ATP8B1: variants seen among roughly 807,000 people sequenced by gnomAD.
ATP8B1 encodes ATPase phospholipid transporting 8B1.
In ATP8B1, 80 loss-of-function variants were observed where a neutral mutation model predicts 149.9. The observed-to-expected ratio is 0.53, with a 90% CI of 0.45 to 0.64. The LOEUF is 0.64. Among genes scored for constraint, ATP8B1 ranks in the 30% least tolerant of loss-of-function variants. ATP8B1 has a pLI of 0.00. For missense variants in ATP8B1, 1,247 were observed against 1,552.6 expected (o/e 0.80, Z 3.31); for synonymous variants, 536 against 562.8 (o/e 0.95, Z 0.67).
intron 12 of ATP8B1, among the ~76,000 whole-genome samples, chr18:57,689,500 C>T (rs1912422556): frequency 6.6e-6 from 1 of 152,166 alleles, no homozygotes; most frequent in Admixed American, 6.5e-5. Context: ...CCAAGGAAGT[C>T]CTTAACAAGT....
At position 57,661,661 on chromosome 18, in the gene ATP8B1, A is replaced by ATGTG. The variant is rs375544953; in HGVS notation, c.2419-203_2419-200dup. On this transcript the variant is annotated intron_variant, in intron 21 of 27. Coordinates refer to ENST00000648908, the MANE Select transcript of ATP8B1 (RefSeq NM_001374385.1). Reference sequence around the variant, plus strand: ...TATATACACACGCACACATATATGTATGTGTGTATGTATATACACACACAC... The same window carrying ATGTG: ...TATATACACACGCACACATATATGTATGTGTGTGTGTATGTATATACACACACAC... Among the ~76,000 whole-genome samples the ATGTG allele has an allele frequency of 2.5e-3, 254 of 102,470 alleles. 1 individual carries two copies. The highest frequency in any genetic ancestry group is 7.7e-3 in the African/African-American group (229 of 29,928). The allele number at this position is 102,470 out of a possible 152,430, so 67.2% of individuals were successfully genotyped here.
At chr18:57,801,727 T>C (rs2080576974) in intron 1 of ATP8B1, among the ~76,000 whole-genome samples, 1 of 152,182 alleles carries the variant, frequency 6.6e-6, no homozygotes, top group Non-Finnish European at 1.5e-5. Flanking sequence ...AGTTTTTTCT[T>C]TTTTTAGTTT....
At chr18:57,727,719 C>T (rs990655626) in intron 2 of ATP8B1, among the ~76,000 whole-genome samples, 1 of 152,018 alleles carries the variant, frequency 6.6e-6, no homozygotes, top group Non-Finnish European at 1.5e-5. Context: ...AACCCAGGAG[C>T]GGGGTTGCAG....
rs1440744675 is a variant in ATP8B1, at chr18:57,655,315, A to G, written c.2810T>C (p.Leu937Pro). 2 of 1,614,064 alleles carry G rather than the reference A, an allele frequency of 1.2e-6. No homozygotes were observed. Among genetic ancestry groups the G allele is most frequent in the African/African-American group, 2.7e-5 (2 of 74,946 alleles). ...TATGTAAGACCATCGGCCATGCACC[A>G]GCAGTAGCCTCTGCAGATATCGGAA... Reference protein sequence around the residue: ...AQFRYLQRLLLVHGRWSYIRM... With the variant: ...AQFRYLQRLLPVHGRWSYIRM... Residue 937 changes from leucine (L) to proline (P), a missense_variant, in exon 23 of 28, where the codon CTG becomes CCG. By Grantham distance (98) the Leu-to-Pro change is moderately conservative. This residue lies in a region of ATP8B1 where 230 missense variants were observed against 356.6 expected (regional missense o/e 0.65). Coordinates refer to ENST00000648908, the MANE Select transcript of ATP8B1 (RefSeq NM_001374385.1).
chr18:57,713,157 C>T (rs1034096758), intron 2 of ATP8B1, among the ~76,000 whole-genome samples: 1 of 92,044 alleles, frequency 1.1e-5, no homozygotes, highest in African/African-American at 4.8e-5. Flanking sequence ...CTTGATCTTT[C>T]TCTTTCTTTC....
In ATP8B1 at chr18:57,792,971, C is replaced by T. The variant is rs945611603; in HGVS notation, c.-26+10027G>A. 2.0e-5 allele frequency among the ~76,000 whole-genome samples: 3 copies of T among 152,256 alleles called. No homozygotes were observed. The South Asian group carries it at 6.2e-4, about 32-fold the overall frequency. ...TCAATGAAGTCAAGTCCTCTGCTTC[C>T]TGAAAACCGCCTCTTTTTTCTAACA... On this transcript the variant is annotated intron_variant, in intron 1 of 27. Transcript: ENST00000648908.
chr18:57,801,778 G>A (rs2123482967), intron 1 of ATP8B1, among the ~76,000 whole-genome samples: 1 of 152,268 alleles, frequency 6.6e-6, no homozygotes, highest in Admixed American at 6.5e-5. Context: ...ATGCAACCAG[G>A]AAGATGGGAG....
chr18:57,654,568 C>G (rs528666668), intron 23 of ATP8B1, among the ~76,000 whole-genome samples: 1 of 152,292 alleles, frequency 6.6e-6, no homozygotes, highest in Admixed American at 6.5e-5. Flanking sequence ...ACCCGCCCAC[C>G]TCGGCCTCCC....
At chr18:57,660,102 T>C (rs1340445139) in intron 22 of ATP8B1, among the ~76,000 whole-genome samples, 1 of 152,172 alleles carries the variant, frequency 6.6e-6, no homozygotes, top group Non-Finnish European at 1.5e-5. Context: ...GTATTTTTAA[T>C]ACAAGATACT....
chr18:57,680,300 A>AAAAAAAAAAAAAAAAAAAAAAAAAC (rs2122789581), intron 15 of ATP8B1, among the ~76,000 whole-genome samples: 1 of 139,396 alleles, frequency 7.2e-6, no homozygotes, highest in South Asian at 2.4e-4. Flanking sequence ...AAAAAAAAAA[A>AAAAAAAAAAAAAAAAAAAAAAAAAC]AAGACTGGGT....
chr18:57,652,682 C>T lies in ATP8B1; in HGVS notation c.3063G>A (p.Val1021=), dbSNP rs533537304. ...AGTTGAATAGTAAGTCTCTTTGTCC[C>T]ACTATGTATAACCCAGGGAATCGGA... ...LSLRFPGLYI[V]GQRDLLFNYK... is the part of the protein sequence containing the mutation. The change falls in exon 25 of 28, where the codon GTG becomes GTA. Residue 1021 remains valine, a synonymous_variant. Transcript: ENST00000648908. 9 of 1,614,094 alleles carry T rather than the reference C, an allele frequency of 5.6e-6. No homozygotes were observed. The African/African-American group carries it at 8.0e-5, about 14-fold the overall frequency.
chr18:57,790,789 C>G (rs908072420), intron 1 of ATP8B1, among the ~76,000 whole-genome samples: 3 of 152,068 alleles, frequency 2.0e-5, no homozygotes, highest in Admixed American at 6.6e-5. Flanking sequence ...GGTGCGATCT[C>G]CACTCACTGC....
intron 1 of ATP8B1, among the ~76,000 whole-genome samples, chr18:57,745,296 G>C (rs150952464): frequency 0.01 from 1,520 of 151,558 alleles, 27 homozygotes; most frequent in African/African-American, 0.034. Context: ...TTTTGAGACA[G>C]TGTCTTGCTC....
intron 15 of ATP8B1, among the ~76,000 whole-genome samples, chr18:57,680,170 G>A (rs1213632765): frequency 2.7e-5 from 4 of 148,802 alleles, no homozygotes; most frequent in Admixed American, 6.7e-5. Context: ...CCAGCTACTC[G>A]GGAGGCTGAG....
At chr18:57,733,231 A>G (rs968517060) in intron 1 of ATP8B1, among the ~76,000 whole-genome samples, 3 of 152,222 alleles carry the variant, frequency 2.0e-5, no homozygotes, top group African/African-American at 7.2e-5. Context: ...TGTTAATGAC[A>G]GCAGCTCGCA....
At chr18:57,737,804 A>G (rs2123187364) in intron 1 of ATP8B1, 1 of 152,326 alleles carries the variant, frequency 6.6e-6, no homozygotes, top group Middle Eastern at 3.4e-3. Flanking sequence ...TGAGGTTGAG[A>G]GAGGAAGCAA....
chr18:57,748,063 G>A (rs2079980973), intron 1 of ATP8B1, among the ~76,000 whole-genome samples: 1 of 152,132 alleles, frequency 6.6e-6, no homozygotes, highest in Admixed American at 6.6e-5. Context: ...GTGTGTCCAA[G>A]CTTCTCCTAC....
intron 1 of ATP8B1, among the ~76,000 whole-genome samples, chr18:57,781,025 G>A (rs2080351570): frequency 6.6e-6 from 1 of 152,214 alleles, no homozygotes; most frequent in East Asian, 1.9e-4. Flanking sequence ...TCAGCCCACT[G>A]TTTAAAATGT....
At chr18:57,763,341 G>A (rs11663864) in intron 1 of ATP8B1, among the ~76,000 whole-genome samples, 54,533 of 151,646 alleles carry the variant, frequency 0.36, 10,199 homozygotes, top group African/African-American at 0.46. Context: ...GCGGTGAGCC[G>A]AGATCGTGCC....
Sources: allele counts gnomAD v4.1 joint callset (sites outside exome capture counted in the v4.1 genomes callset), GRCh38; gene constraint gnomAD v4.1.1; regional missense constraint gnomAD v4.1.1; transcripts MANE v1.5; gene names NCBI Gene and HGNC (gene_info 2026-07-23, HGNC 2026-07-21).